HHLA1: variants seen among roughly 807,000 people sequenced by gnomAD.
HHLA1 encodes the protein HERV-H LTR-associating protein 1.
In HHLA1, 72 loss-of-function variants were observed where a neutral mutation model predicts 69.9. That is an observed-to-expected ratio of 1.03 (90% CI 0.85 to 1.25). The LOEUF (loss-of-function observed/expected upper bound fraction) is 1.25. HHLA1 is among the 50% of genes most tolerant of loss of function. HHLA1 has a pLI of 0.00. For missense variants in HHLA1, 685 were observed against 642.2 expected, an observed-to-expected ratio of 1.07 and a Z score of -0.72; for synonymous variants, 252 against 233.2, an observed-to-expected ratio of 1.08 and a Z score of -0.73.
chr8:132,095,502 T>C lies in HHLA1; in HGVS notation c.448+17A>G. ...AAAATTGGAAAAGCTGCAAGCCTCATGGTAAGCTGTACCCACCTGATAAGT... is the reference window on the plus strand; with the variant it reads ...AAAATTGGAAAAGCTGCAAGCCTCACGGTAAGCTGTACCCACCTGATAAGT... On this transcript the variant is annotated intron_variant, in intron 7 of 16. Transcript: ENST00000414222. 6.6e-7 allele frequency: 1 copy of C among 1,507,008 alleles called. No homozygotes were observed. Among genetic ancestry groups the C allele is most frequent in the Non-Finnish European group, 9.0e-7 (1 of 1,108,822 alleles). The allele number at this position is 1,507,008 out of a possible 1,614,324, so 93.4% of individuals were successfully genotyped here.
chr8:132,098,781 A>G, intron 5 of HHLA1, 101 bp downstream of exon 5: 4 of 699,020 alleles, frequency 5.7e-6, no homozygotes, highest in South Asian at 5.3e-5. Flanking sequence ...AAACTGACAC[A>G]CAGAAGTGAA....
chr8:132,110,445 T>C (rs1261586253), intron 1 of HHLA1, among the ~76,000 whole-genome samples: 2 of 152,230 alleles, frequency 1.3e-5, no homozygotes, highest in Admixed American at 1.3e-4. Flanking sequence ...GGGCTGGCTT[T>C]TAAAAAATAC....
chr8:132,062,222 A>C lies in HHLA1; in HGVS notation c.*1773T>G, dbSNP rs1823365090. The C allele has an allele frequency of 6.6e-6, 1 of 152,246 alleles. No homozygotes were observed. 9.4% of individuals were successfully genotyped at this position (152,246 alleles called of 1,614,324 possible). On this transcript the variant is annotated 3_prime_UTR_variant, in exon 17 of 17. Coordinates refer to ENST00000414222, the MANE Select transcript of HHLA1 (RefSeq NM_001145095.3). ...GCTGTATCCTCTTCATCTTTGCAAA[A>C]GTCATGATAATATACATTTATGAGC... is the stretch of plus-strand genomic sequence containing the variant.
intron 12 of HHLA1, 148 bp from the exon 13 acceptor site, chr8:132,076,691 G>A (rs1028970781): frequency 2.0e-6 from 1 of 502,896 alleles, no homozygotes; most frequent in Admixed American, 3.9e-5. Flanking sequence ...AGATGAGTAA[G>A]AAATAAAACC....
intron 11 of HHLA1, among the ~76,000 whole-genome samples, chr8:132,079,116 A>T (rs1240496518): frequency 1.3e-5 from 2 of 152,234 alleles, no homozygotes; most frequent in African/African-American, 2.4e-5. Flanking sequence ...TAAGATAAGC[A>T]TGCCTTTTGT....
In HHLA1 at chr8:132,077,890, T is replaced by G. The variant is rs370031939; in HGVS notation, c.1007A>C (p.Gln336Pro). The change falls in exon 12 of 17, where the codon CAG becomes CCG. Residue 336 changes from glutamine to proline, a missense_variant. Gln to Pro is a moderately conservative substitution (Grantham distance 76). Transcript: ENST00000414222. ...TCCAGGTTTTTTCTCACTGATGGTCTGAGCCCAGGGCACGGACGATATGGA... is the reference window on the plus strand; with the variant it reads ...TCCAGGTTTTTTCTCACTGATGGTCGGAGCCCAGGGCACGGACGATATGGA... ...WASISSVPWA[Q>P]TISEKKPGGS... 2.1e-5 allele frequency: 33 copies of G among 1,551,608 alleles called. No individual in the cohort carries two copies. In the East Asian group the frequency reaches 3.7e-4, roughly 17 times the overall value.
At chr8:132,072,160 A>G (rs1823557641) in intron 14 of HHLA1, among the ~76,000 whole-genome samples, 1 of 152,152 alleles carries the variant, frequency 6.6e-6, no homozygotes, top group Non-Finnish European at 1.5e-5. Context: ...CCAGATTTTC[A>G]GTGTTGTTTA....
At chr8:132,087,544 T>C (rs2130889761) in intron 10 of HHLA1, 109 bp downstream of exon 10, 1 of 667,918 alleles carries the variant, frequency 1.5e-6, no homozygotes, top group South Asian at 1.9e-5. Flanking sequence ...TGATTTTTAA[T>C]ACAGTATAGC....
intron 12 of HHLA1, among the ~76,000 whole-genome samples, chr8:132,077,431 G>T (rs1429015262): frequency 6.6e-6 from 1 of 152,094 alleles, no homozygotes; most frequent in Non-Finnish European, 1.5e-5. Flanking sequence ...CATCACAGTT[G>T]TCATACTGCT....
rs1041201889 is a variant in HHLA1, at chr8:132,087,643, T to C, written c.676+10A>G. The C allele has an allele frequency of 6.5e-7, 1 of 1,542,064 alleles. No homozygotes were observed. ...AGTCTATGGGAGGAGTTTGGGAGGT[T>C]GGTACTCACCCAGAACACCAGACAA... is the stretch of plus-strand genomic sequence containing the variant. On this transcript the variant is annotated intron_variant, in intron 10 of 16. Coordinates refer to ENST00000414222, the MANE Select transcript of HHLA1 (RefSeq NM_001145095.3).
At chr8:132,079,664 G>A in intron 11 of HHLA1, 54 bp downstream of exon 11, 2 of 1,483,088 alleles carry the variant, frequency 1.3e-6, no homozygotes, top group Non-Finnish European at 1.8e-6. Flanking sequence ...TGAGCCTAGA[G>A]GTAACAGGAG....
rs1259566779 is a variant in HHLA1 at position 132,062,271 on chromosome 8, G to A, written c.*1724C>T. Reference sequence around the variant, plus strand: ...GCTTGACATTTGCATAACTTGGAGAGTCTTTCAAGTGTTCTGGAGAATAAA... The same window carrying A: ...GCTTGACATTTGCATAACTTGGAGAATCTTTCAAGTGTTCTGGAGAATAAA... On this transcript the variant is annotated 3_prime_UTR_variant, in exon 17 of 17. Coordinates refer to ENST00000414222, the MANE Select transcript of HHLA1 (RefSeq NM_001145095.3). 1.3e-5 allele frequency: 2 copies of A among 152,182 alleles called. No homozygotes were observed. Among genetic ancestry groups the A allele is most frequent in the African/African-American group, 4.8e-5 (2 of 41,440 alleles). 9.4% of individuals were successfully genotyped at this position (152,182 alleles called of 1,614,324 possible).
At chr8:132,070,008 T>G in intron 15 of HHLA1, 1 of 30,292 alleles carries the variant, frequency 3.3e-5, no homozygotes, top group African/African-American at 1.1e-4. Flanking sequence ...ATGTTCGTAC[T>G]GACGGGGGGG....
intron 1 of HHLA1, among the ~76,000 whole-genome samples, chr8:132,109,166 C>T (rs2130903927): frequency 6.6e-6 from 1 of 152,320 alleles, no homozygotes; most frequent in Non-Finnish European, 1.5e-5. Context: ...ACCACCATGC[C>T]AGGCCAATTT....
chr8:132,084,201 CAGGTGTG>C (rs1331985687), intron 10 of HHLA1, among the ~76,000 whole-genome samples: 13 of 152,124 alleles, frequency 8.5e-5, no homozygotes, highest in South Asian at 8.3e-4. Context: ...TAAGCCGGAC[CAGGTGTG>C]AGGAGGGGAG....
intron 4 of HHLA1, among the ~76,000 whole-genome samples, chr8:132,099,513 G>A (rs991346048): frequency 6.6e-6 from 1 of 152,194 alleles, no homozygotes; most frequent in African/African-American, 2.4e-5. Flanking sequence ...GTGGCAGTGT[G>A]CAGTGAGTGG....
At chr8:132,110,283 T>C (rs1824274938) in intron 1 of HHLA1, among the ~76,000 whole-genome samples, 1 of 152,082 alleles carries the variant, frequency 6.6e-6, no homozygotes, top group African/African-American at 2.4e-5. Context: ...TAACCTTCCA[T>C]ATAGATATCA....
In HHLA1 at chr8:132,087,681, T is replaced by C. The variant is rs192164669; in HGVS notation, c.648A>G (p.Thr216=). ...GAACACCAGACAAGCCGCTGGTAAATGTGTAATTGATAATGGGATATTTTT... is the reference window on the plus strand; with the variant it reads ...GAACACCAGACAAGCCGCTGGTAAACGTGTAATTGATAATGGGATATTTTT... ...IEEKYPIINY[T]FTSGLSGVLG... The change falls in exon 10 of 17, where the codon ACA becomes ACG. Residue 216 remains threonine (T), a synonymous_variant. Transcript: ENST00000414222. The C allele has an allele frequency of 8.7e-5, 135 of 1,551,456 alleles. No homozygotes were observed. In the African/African-American group the frequency reaches 1.7e-3, roughly 20 times the overall value.
At chr8:132,104,523 G>A (rs570146023) in intron 2 of HHLA1, among the ~76,000 whole-genome samples, 11 of 152,202 alleles carry the variant, frequency 7.2e-5, no homozygotes, top group African/African-American at 2.2e-4. Flanking sequence ...GAGAGGGGGC[G>A]TTGAGCTGAG....
Sources: allele counts gnomAD v4.1 joint callset (sites outside exome capture counted in the v4.1 genomes callset), GRCh38; gene constraint gnomAD v4.1.1; transcripts MANE v1.5; gene names NCBI Gene and HGNC (gene_info 2026-07-23, HGNC 2026-07-21).